The following AQP2 variants were observed in gnomAD, a reference collection of about 807,000 sequenced individuals.
The protein encoded by AQP2 is aquaporin-2.
A neutral mutation model predicts 21.6 loss-of-function variants in AQP2; 20 were observed. The ratio of observed to expected loss-of-function variants is 0.92; its 90% CI spans 0.65 to 1.34. AQP2 has a LOEUF of 1.34. AQP2 is among the 40% of genes most tolerant of loss of function. The pLI, the probability that AQP2 is intolerant of heterozygous loss-of-function variation, is 0.00. For synonymous variants in AQP2, 168 were observed against 166.9 expected (o/e 1.01, Z -0.05); for missense variants, 325 against 363.4 (o/e 0.89, Z 0.86).
Position 49,955,707 on chromosome 12 carries a change from C to T in AQP2, c.*99C>T. 1.4e-6 allele frequency: 2 copies of T among 1,427,170 alleles called. No homozygotes were observed. The highest frequency in any genetic ancestry group is 1.2e-5 in the South Asian group (1 of 81,566). 88.4% of individuals were successfully genotyped at this position (1,427,170 alleles called of 1,614,324 possible). A position where few individuals can be genotyped will look rare whatever the true frequency, so the allele number is the denominator to read the frequency against. On this transcript the variant is annotated 3_prime_UTR_variant, in exon 4 of 4. Transcript: ENST00000199280. ...CTCTCCCGCAGGTCTGAAGTTGGCC[C>T]CCCAGCGCAGAGTAGCTGCTTCCTG...
chr12:49,955,521 C>CA lies in AQP2; in HGVS notation c.730dup (p.Thr244AsnfsTer43), dbSNP rs756144006. 1 of 1,612,114 alleles carries CA rather than the reference C, an allele frequency of 6.2e-7. No individual in the cohort carries two copies. On this transcript the variant is annotated frameshift_variant, in exon 4 of 4. Coordinates refer to ENST00000199280, the MANE Select transcript of AQP2 (RefSeq NM_000486.6). LOFTEE classifies it high-confidence loss of function. ...CAGTGCTGAAGGGCCTGGAGCCGGACACCGATTGGGAGGAGCGCGAGGTGC... is the reference window on the plus strand; with the variant it reads ...CAGTGCTGAAGGGCCTGGAGCCGGACAACCGATTGGGAGGAGCGCGAGGTGC...
rs987370952 is a variant in AQP2, at chr12:49,950,755, C to T, written c.-76C>T. The T allele has an allele frequency of 7.3e-5, 113 of 1,550,968 alleles. No individual in the cohort carries two copies. The highest frequency in any genetic ancestry group is 9.1e-5 in the Non-Finnish European group (104 of 1,147,302). ...TCCCCAGAGGCCTTGAGAAAGAGAG[C>T]GATAGAGTGCGAGAGCGAGTGCCCG... On this transcript the variant is annotated 5_prime_UTR_variant, in exon 1 of 4. Transcript: ENST00000199280.
At position 49,954,930 on chromosome 12, in the gene AQP2, T is replaced by C. The variant is rs567363924; in HGVS notation, c.606+220T>C. Among the ~76,000 whole-genome samples the C allele has an allele frequency of 7.5e-4, 115 of 152,358 alleles. 1 individual carries two copies. Among genetic ancestry groups the C allele is most frequent in the African/African-American group, 2.5e-3 (105 of 41,586 alleles). ...GATGACAACAGCTTACCTCACTGGCTTCTTGGGAACAGTAAGTGAGGTTAC... is the reference window on the plus strand; with the variant it reads ...GATGACAACAGCTTACCTCACTGGCCTCTTGGGAACAGTAAGTGAGGTTAC... On this transcript the variant is annotated intron_variant, in intron 3 of 3. Transcript: ENST00000199280.
chr12:49,954,665 C>T lies in AQP2; in HGVS notation c.561C>T (p.Arg187=). The change falls in exon 3 of 4, where the codon CGC becomes CGT. Residue 187 remains arginine, a synonymous_variant. Coordinates refer to ENST00000199280, the MANE Select transcript of AQP2 (RefSeq NM_000486.6). ...HYTGCSMNPA[R]SLAPAVVTGK... is the part of the protein sequence containing the mutation. The stretch of plus-strand genomic sequence containing the variant: ...CCGGCTGCTCTATGAATCCTGCCCG[C>T]TCCCTGGCTCCAGCTGTCGTCACTG... 1.2e-6 allele frequency: 2 copies of T among 1,614,238 alleles called. No individual in the cohort carries two copies. Among genetic ancestry groups the T allele is most frequent in the South Asian group, 1.1e-5 (1 of 91,088 alleles).
At chr12:49,954,128 C>G in intron 1 of AQP2, 27 bp from the exon 2 acceptor site, 1 of 1,597,520 alleles carries the variant, frequency 6.3e-7, no homozygotes, top group Non-Finnish European at 8.5e-7. Context: ...CTCAGTGTTC[C>G]CCTACCCGCC....
rs1947360169 is a variant in AQP2, at chr12:49,955,422, G to C, written c.630G>C (p.Val210=). ...DHWVFWIGPL[V]GAILGSLLYN... is the part of the protein sequence containing the mutation. The stretch of plus-strand genomic sequence containing the variant: ...AGGTCTTCTGGATCGGACCCCTGGT[G>C]GGCGCCATCCTGGGCTCCCTCCTCT... The change falls in exon 4 of 4, where the codon GTG becomes GTC. Residue 210 remains valine, a synonymous_variant. Coordinates refer to ENST00000199280, the MANE Select transcript of AQP2 (RefSeq NM_000486.6). 6.2e-6 allele frequency: 10 copies of C among 1,612,538 alleles called. No individual in the cohort carries two copies. The East Asian group carries it at 2.2e-4, about 36-fold the overall frequency.
At chr12:49,955,333 G>T in intron 3 of AQP2, 66 bp from the exon 4 acceptor site, 2 of 1,516,264 alleles carry the variant, frequency 1.3e-6, no homozygotes, top group Non-Finnish European at 1.8e-6. Context: ...TGTGCCGCCG[G>T]GGCCTGCGGG....
At chr12:49,954,094 G>T in intron 1 of AQP2, 61 bp from the exon 2 acceptor site, 1 of 1,592,926 alleles carries the variant, frequency 6.3e-7, no homozygotes, top group Non-Finnish European at 8.5e-7. Flanking sequence ...TGGACAGGAA[G>T]ATGGAGCCAG....
rs35400945 is a variant in AQP2 at position 49,951,172 on chromosome 12, G to A, written c.342G>A (p.Gly114=). 3,682 of 1,605,498 alleles carry A rather than the reference G, an allele frequency of 2.3e-3. 78 individuals are homozygous for A. In the African/African-American group the frequency reaches 0.043, roughly 19 times the overall value. ...LHEITPADIR[G]DLAVNALSNS... ...AGATCACGCCAGCAGACATCCGCGGGGACCTGGCTGTCAATGCTGTGAGTA... is the reference window on the plus strand; with the variant it reads ...AGATCACGCCAGCAGACATCCGCGGAGACCTGGCTGTCAATGCTGTGAGTA... Residue 114 remains glycine, a synonymous_variant, in exon 1 of 4, where the codon GGG becomes GGA. Coordinates refer to ENST00000199280, the MANE Select transcript of AQP2 (RefSeq NM_000486.6).
chr12:49,955,537 C>A lies in AQP2; in HGVS notation c.745C>A (p.Arg249Ser), dbSNP rs1947361663. The change falls in exon 4 of 4, where the codon CGC (arginine) becomes AGC (serine). Residue 249 changes from arginine (R) to serine (S), a missense_variant. Physicochemically the swap from Arg to Ser is moderately radical, Grantham distance 110 (BLOSUM62 -1). Transcript: ENST00000199280. ...GGAGCCGGACACCGATTGGGAGGAG[C>A]GCGAGGTGCGACGGCGGCAGTCGGT... Reference protein sequence around the residue: ...GLEPDTDWEEREVRRRQSVEL... With the variant: ...GLEPDTDWEESEVRRRQSVEL... The A allele has an allele frequency of 6.2e-7, 1 of 1,609,784 alleles. No individual in the cohort carries two copies. The highest frequency in any genetic ancestry group is 1.3e-5 in the African/African-American group (1 of 74,862).
intron 1 of AQP2, chr12:49,951,466 G>A: frequency 1.1e-5 from 6 of 522,086 alleles, no homozygotes; most frequent in Admixed American, 3.2e-5. Flanking sequence ...TGGACTCAAC[G>A]CCTACATTAC....
At position 49,953,740 on chromosome 12, in the gene AQP2, G is replaced by A. The variant is rs575811514; in HGVS notation, c.361-415G>A. On this transcript the variant is annotated intron_variant, in intron 1 of 3. Transcript: ENST00000199280. ...ACCACAGGCCTCTCATTGCACCAAG[G>A]TCTGATGGTCTACAGACAGAGGAAG... Among the ~76,000 whole-genome samples the A allele has an allele frequency of 7.2e-5, 11 of 152,346 alleles. No individual in the cohort carries two copies. In the South Asian group the frequency reaches 2.1e-3, roughly 29 times the overall value.
intron 2 of AQP2, 67 bp downstream of exon 2, chr12:49,954,386 C>A: frequency 6.6e-7 from 1 of 1,520,424 alleles, no homozygotes; most frequent in Non-Finnish European, 8.9e-7. Context: ...CAGAGACAGA[C>A]ACAGAGACCC....
chr12:49,955,284 A>AG, intron 3 of AQP2, 115 bp from the exon 4 acceptor site: 1 of 1,060,814 alleles, frequency 9.4e-7, no homozygotes, highest in Admixed American at 2.7e-5. Context: ...TAAGCATTTT[A>AG]CTAGATTAAT....
At position 49,954,663 on chromosome 12, in the gene AQP2, C is replaced by A; in HGVS notation, c.559C>A (p.Arg187Ser). 6.2e-7 allele frequency: 1 copy of A among 1,614,208 alleles called. No homozygotes were observed. The highest frequency in any genetic ancestry group is 2.2e-5 in the East Asian group (1 of 44,884). Residue 187 changes from arginine (R) to serine (S), a missense_variant, in exon 3 of 4, where the codon CGC (arginine) becomes AGC (serine). By Grantham distance (110) the Arg-to-Ser change is moderately radical. Coordinates refer to ENST00000199280, the MANE Select transcript of AQP2 (RefSeq NM_000486.6). ...CACCGGCTGCTCTATGAATCCTGCC[C>A]GCTCCCTGGCTCCAGCTGTCGTCAC... Reference protein sequence around the residue: ...HYTGCSMNPARSLAPAVVTGK... With the variant: ...HYTGCSMNPASSLAPAVVTGK...
intron 1 of AQP2, among the ~76,000 whole-genome samples, chr12:49,953,152 T>C (rs1479427479): frequency 6.6e-6 from 1 of 152,172 alleles, no homozygotes; most frequent in African/African-American, 2.4e-5. Context: ...CCAAAGCTCT[T>C]TTCACTGTCC....
Position 49,956,670 on chromosome 12 carries a change from A to G in AQP2, c.*1062A>G, listed in dbSNP as rs1191718077. 1.3e-5 allele frequency: 2 copies of G among 152,234 alleles called. No homozygotes were observed. The highest frequency in any genetic ancestry group is 3.9e-4 in the East Asian group (2 of 5,194). 9.4% of individuals were successfully genotyped at this position (152,234 alleles called of 1,614,324 possible). ...TTGAAAGGAGACACTCAGTTTCACA[A>G]GTGAGCCCTCTTGCCCAGCACACAC... On this transcript the variant is annotated 3_prime_UTR_variant, in exon 4 of 4. Transcript: ENST00000199280.
At chr12:49,952,506 C>T (rs566221419) in intron 1 of AQP2, among the ~76,000 whole-genome samples, 5 of 152,148 alleles carry the variant, frequency 3.3e-5, no homozygotes, top group South Asian at 2.1e-4. Flanking sequence ...CCTCTGAGAA[C>T]AAAATTAGTT....
At chr12:49,954,001 A>G in intron 1 of AQP2, 154 bp from the exon 2 acceptor site, 2 of 1,078,292 alleles carry the variant, frequency 1.9e-6, no homozygotes, top group Middle Eastern at 5.8e-4. Context: ...GGAAGAAGGG[A>G]TCAGTCGTTG....
Sources: allele counts gnomAD v4.1 joint callset (sites outside exome capture counted in the v4.1 genomes callset), GRCh38; gene constraint gnomAD v4.1.1; transcripts MANE v1.5; gene names NCBI Gene and HGNC (gene_info 2026-07-23, HGNC 2026-07-21).